Variants in OSBPL6 observed in about 807,000 individuals in gnomAD.
OSBPL6 encodes oxysterol binding protein like 6.
OSBPL6 carries 49 observed loss-of-function variants against 125.8 expected under a neutral mutation model. The observed-to-expected ratio is 0.39, with a 90% CI of 0.31 to 0.49. The LOEUF (loss-of-function observed/expected upper bound fraction) is 0.49. Ranked by LOEUF, OSBPL6 falls within the 20% of genes least tolerant of loss-of-function variation. OSBPL6 has a pLI of 0.88. For missense variants in OSBPL6, 986 were observed against 1,135.4 expected (o/e 0.87, Z 1.89); for synonymous variants, 394 against 391.8 (o/e 1.01, Z -0.07).
intron 3 of OSBPL6, chr2:178,320,344 T>C: frequency 6.2e-7 from 1 of 1,613,012 alleles, no homozygotes; most frequent in Non-Finnish European, 8.5e-7. Context: ...GTGTTCCAGG[T>C]TCCTGGTTTT....
At chr2:178,312,885 C>T (rs1039344645) in intron 3 of OSBPL6, among the ~76,000 whole-genome samples, 1 of 151,834 alleles carries the variant, frequency 6.6e-6, no homozygotes, top group East Asian at 1.9e-4. Flanking sequence ...TTTATGCTTA[C>T]ATTTCTTTCC....
In OSBPL6 at chr2:178,392,415, C is replaced by T. The variant is rs770182984; in HGVS notation, c.2450C>T (p.Ser817Phe). 6.2e-7 allele frequency: 1 copy of T among 1,613,926 alleles called. No homozygotes were observed. The highest frequency in any genetic ancestry group is 2.2e-5 in the East Asian group (1 of 44,864). Residue 817 changes from serine (S) to phenylalanine (F), a missense_variant, in exon 23 of 25, where the codon TCC becomes TTC. Ser to Phe is a radical substitution (Grantham distance 155). Around this residue, in one of 3 missense-constraint regions of OSBPL6, gnomAD observed 843 missense variants for 997.3 expected, o/e 0.85. Transcript: ENST00000190611. ...PSAKCIWRPG[S>F]MPTNYELYYG... ...TGGTTCATTGGCCTCTTTCCAGGTTCCATGCCAACAAACTATGAGCTGTAC... is the reference window on the plus strand; with the variant it reads ...TGGTTCATTGGCCTCTTTCCAGGTTTCATGCCAACAAACTATGAGCTGTAC...
At chr2:178,366,025 GT>G (rs1692790615) in intron 13 of OSBPL6, among the ~76,000 whole-genome samples, 1 of 152,122 alleles carries the variant, frequency 6.6e-6, no homozygotes, top group Non-Finnish European at 1.5e-5. Flanking sequence ...CAACTAGCTG[GT>G]ATTACAGGCA....
At chr2:178,219,799 C>T (rs2090260935) in intron 1 of OSBPL6, among the ~76,000 whole-genome samples, 1 of 152,122 alleles carries the variant, frequency 6.6e-6, no homozygotes, top group Admixed American at 6.5e-5. Flanking sequence ...GACACTGTGG[C>T]ATGTCATCTT....
chr2:178,335,556 G>T (rs1443071226), intron 8 of OSBPL6, among the ~76,000 whole-genome samples: 2 of 152,168 alleles, frequency 1.3e-5, no homozygotes, highest in African/African-American at 4.8e-5. Context: ...TGCTAAGAAT[G>T]TGCATCATTC....
At chr2:178,197,452 T>C (rs1335266303) in intron 1 of OSBPL6, among the ~76,000 whole-genome samples, 3 of 152,182 alleles carry the variant, frequency 2.0e-5, no homozygotes, top group African/African-American at 4.8e-5. Context: ...TAGGTGATCA[T>C]TGTACAGTAA....
chr2:178,344,388 G>A lies in OSBPL6; in HGVS notation c.987+4624G>A, dbSNP rs1295775755. 1.9e-6 allele frequency: 3 copies of A among 1,607,900 alleles called. No individual in the cohort carries two copies. In the African/African-American group the frequency reaches 4.0e-5, roughly 21 times the overall value. On this transcript the variant is annotated intron_variant, in intron 11 of 24. Coordinates refer to ENST00000190611, the MANE Select transcript of OSBPL6 (RefSeq NM_032523.4). Reference sequence around the variant, plus strand: ...GAGTGGATTTCAATCTCAAGTGGAAGTTTAATAAGAATGAGAACCTGTGTA... The same window carrying A: ...GAGTGGATTTCAATCTCAAGTGGAAATTTAATAAGAATGAGAACCTGTGTA...
intron 3 of OSBPL6, among the ~76,000 whole-genome samples, chr2:178,323,241 C>G (rs909456786): frequency 1.3e-5 from 2 of 152,130 alleles, no homozygotes; most frequent in African/African-American, 4.8e-5. Context: ...TTTTGATTCT[C>G]TTTTTGAATA....
At chr2:178,233,536 T>G (rs2090924733) in intron 1 of OSBPL6, among the ~76,000 whole-genome samples, 1 of 152,236 alleles carries the variant, frequency 6.6e-6, no homozygotes, top group Non-Finnish European at 1.5e-5. Context: ...ATTGAAATGT[T>G]TAGTGTCAGA....
intron 13 of OSBPL6, among the ~76,000 whole-genome samples, chr2:178,365,625 A>G (rs1331853487): frequency 6.6e-6 from 1 of 151,880 alleles, no homozygotes; most frequent in Non-Finnish European, 1.5e-5. Context: ...GCAGTGAGCC[A>G]AGATCGCACC....
intron 3 of OSBPL6, among the ~76,000 whole-genome samples, chr2:178,322,010 C>T (rs905505428): frequency 6.6e-6 from 1 of 152,144 alleles, no homozygotes. Context: ...TGCTAACTAA[C>T]CCTTCTGACC....
chr2:178,297,459 A>G (rs968207579), intron 2 of OSBPL6, among the ~76,000 whole-genome samples: 1 of 152,188 alleles, frequency 6.6e-6, no homozygotes, highest in African/African-American at 2.4e-5. Flanking sequence ...AAAAAGAACT[A>G]ATATTAGGGT....
chr2:178,388,304 A>C (rs1695115955), intron 20 of OSBPL6, among the ~76,000 whole-genome samples: 1 of 152,166 alleles, frequency 6.6e-6, no homozygotes, highest in Non-Finnish European at 1.5e-5. Context: ...TTAAACCTGG[A>C]GTACAAAACA....
At chr2:178,369,376 A>G (rs1219845016) in intron 13 of OSBPL6, among the ~76,000 whole-genome samples, 5 of 152,198 alleles carry the variant, frequency 3.3e-5, no homozygotes, top group African/African-American at 9.7e-5. Flanking sequence ...AGCATCAGAA[A>G]ATCCCCAAAC....
At position 178,339,707 on chromosome 2, in the gene OSBPL6, G is replaced by C. The variant is rs149166496; in HGVS notation, c.930G>C (p.Arg310=). The part of the protein sequence containing the change: ...NCVDISKKDK[R]VTRRWRTKSV... Reference sequence around the variant, plus strand: ...TAGATATTTCAAAGAAAGACAAGCGGGTCACAAGACGATGGAGAACAAAAA... The same window carrying C: ...TAGATATTTCAAAGAAAGACAAGCGCGTCACAAGACGATGGAGAACAAAAA... Residue 310 remains arginine, a synonymous_variant, in exon 11 of 25, where the codon CGG becomes CGC. Coordinates refer to ENST00000190611, the MANE Select transcript of OSBPL6 (RefSeq NM_032523.4). The C allele has an allele frequency of 6.2e-7, 1 of 1,603,772 alleles. No individual in the cohort carries two copies. The highest frequency in any genetic ancestry group is 1.7e-5 in the Admixed American group (1 of 58,432).
chr2:178,306,224 A>G lies in OSBPL6; in HGVS notation c.40A>G (p.Thr14Ala), dbSNP rs1443517526. 1.9e-6 allele frequency: 3 copies of G among 1,613,992 alleles called. No homozygotes were observed. Among genetic ancestry groups the G allele is most frequent in the Non-Finnish European group, 2.5e-6 (3 of 1,179,872 alleles). Residue 14 changes from threonine to alanine, a missense_variant, in exon 3 of 25, where the codon ACA becomes GCA. Physicochemically the swap from Thr to Ala is moderately conservative, Grantham distance 58 (BLOSUM62 0). Around this residue, in one of 3 missense-constraint regions of OSBPL6, gnomAD observed 130 missense variants for 106.4 expected, o/e 1.22. Coordinates refer to ENST00000190611, the MANE Select transcript of OSBPL6 (RefSeq NM_032523.4). Reference sequence around the variant, plus strand: ...GAAGGGCATTTCCCCTGCTCATAAAACATCCACTCCAACCCATAGAAGTGC... The same window carrying G: ...GAAGGGCATTTCCCCTGCTCATAAAGCATCCACTCCAACCCATAGAAGTGC... ...DEKGISPAHK[T>A]STPTHRSASS...
At position 178,298,569 on chromosome 2, in the gene OSBPL6, A is replaced by G. The variant is rs139922016; in HGVS notation, c.-155-7461A>G. Among the ~76,000 whole-genome samples the G allele has an allele frequency of 1.2e-3, 184 of 152,294 alleles. 1 individual carries two copies. The highest frequency in any genetic ancestry group is 4.3e-3 in the African/African-American group (178 of 41,564). ...CTCTTGAGTAGCTGAGATTACAGGC[A>G]AGTACCATCACATTCAGCTAATGTT... On this transcript the variant is annotated intron_variant, in intron 2 of 24. Transcript: ENST00000190611.
At chr2:178,379,382 A>T (rs1360306863) in intron 15 of OSBPL6, among the ~76,000 whole-genome samples, 1 of 145,778 alleles carries the variant, frequency 6.9e-6, no homozygotes, top group Non-Finnish European at 1.5e-5. Flanking sequence ...AGGGAGGAAA[A>T]GGAGAAAGGA....
intron 3 of OSBPL6, among the ~76,000 whole-genome samples, chr2:178,314,665 A>G (rs955662574): frequency 6.6e-6 from 1 of 152,198 alleles, no homozygotes; most frequent in Non-Finnish European, 1.5e-5. Context: ...GTTTATGAAC[A>G]AACCAATAGA....
Sources: allele counts gnomAD v4.1 joint callset (sites outside exome capture counted in the v4.1 genomes callset), GRCh38; gene constraint gnomAD v4.1.1; regional missense constraint gnomAD v4.1.1; transcripts MANE v1.5; gene names NCBI Gene and HGNC (gene_info 2026-07-23, HGNC 2026-07-21).